Variants in SNX13 observed in about 807,000 individuals in gnomAD.
SNX13 encodes the protein sorting nexin 13.
In SNX13, 45 loss-of-function variants were observed where a neutral mutation model predicts 133.6. The observed-to-expected ratio is 0.34, with a 90% CI of 0.27 to 0.43. SNX13 has a LOEUF of 0.43. SNX13 is among the 20% of genes least tolerant of loss of function. The pLI is 1.00. For missense variants in SNX13, 1,032 were observed against 1,145.1 expected (o/e 0.90, Z 1.43); for synonymous variants, 414 against 373.9 (o/e 1.11, Z -1.24).
rs138765848 is a variant in SNX13, at chr7:17,866,772, A to G, written c.837+1635T>C. Among the ~76,000 whole-genome samples, 461 of 152,348 alleles carry G rather than the reference A, an allele frequency of 3.0e-3. 2 individuals carry two copies. Among genetic ancestry groups the G allele is most frequent in the African/African-American group, 0.011 (437 of 41,580 alleles). The stretch of plus-strand genomic sequence containing the variant: ...GTATAAAACACAGTCAGACAGAAAG[A>G]GTAAGATCTACCATTCAGTAGCACA... On this transcript the variant is annotated intron_variant, in intron 9 of 25. Transcript: ENST00000428135.
At chr7:17,871,660 T>A (rs1562816031) in intron 8 of SNX13, among the ~76,000 whole-genome samples, 2 of 152,214 alleles carry the variant, frequency 1.3e-5, no homozygotes, top group South Asian at 4.1e-4. Context: ...TGATGTTTCC[T>A]TTTAGTAATT....
chr7:17,826,644 A>G (rs1167474797), intron 16 of SNX13, among the ~76,000 whole-genome samples: 1 of 152,094 alleles, frequency 6.6e-6, no homozygotes, highest in Non-Finnish European at 1.5e-5. Flanking sequence ...TATTATTCTG[A>G]TTATTTATTA....
Position 17,834,148 on chromosome 7 carries a change from G to A in SNX13, c.1501C>T (p.Pro501Ser). The A allele has an allele frequency of 6.3e-7, 1 of 1,593,514 alleles. No individual in the cohort carries two copies. Among genetic ancestry groups the A allele is most frequent in the Non-Finnish European group, 8.6e-7 (1 of 1,167,230 alleles). ...ELMLRDERFY[P>S]SFRQNALYVR... ...TAAAGTGCATTCTGTCTGAAGGAAG[G>A]ATAAAATCTTTCATCTCGTAGCATC... The change falls in exon 15 of 26, where the codon CCT (proline) becomes TCT (serine). Residue 501 changes from proline (P) to serine (S), a missense_variant. Pro to Ser is a moderately conservative substitution (Grantham distance 74). Coordinates refer to ENST00000428135, the MANE Select transcript of SNX13 (RefSeq NM_015132.5).
intron 1 of SNX13, among the ~76,000 whole-genome samples, chr7:17,913,103 C>G (rs538573757): frequency 1.3e-3 from 205 of 152,300 alleles, no homozygotes; most frequent in African/African-American, 4.8e-3. Context: ...GAGGCAGACT[C>G]CACTCCCATG....
chr7:17,803,123 T>C (rs1024976506), intron 21 of SNX13, among the ~76,000 whole-genome samples: 1 of 152,152 alleles, frequency 6.6e-6, no homozygotes, highest in Non-Finnish European at 1.5e-5. Context: ...ATGATAAAAA[T>C]GGCATAATGA....
chr7:17,911,537 G>A (rs1798977156), intron 1 of SNX13, among the ~76,000 whole-genome samples: 1 of 151,754 alleles, frequency 6.6e-6, no homozygotes, highest in Non-Finnish European at 1.5e-5. Flanking sequence ...TGCTCTGGAG[G>A]CTAAGGCAGG....
chr7:17,884,881 G>C (rs1451678510), intron 5 of SNX13, among the ~76,000 whole-genome samples: 1 of 152,138 alleles, frequency 6.6e-6, no homozygotes, highest in African/African-American at 2.4e-5. Context: ...TTAAGTGTTG[G>C]TCAAAGAGGA....
chr7:17,802,570 C>A (rs1331759742), intron 21 of SNX13, among the ~76,000 whole-genome samples: 1 of 151,904 alleles, frequency 6.6e-6, no homozygotes. Flanking sequence ...AGCAGAAGTG[C>A]GACTGAACAA....
At chr7:17,834,997 C>T in intron 13 of SNX13, 132 bp from the exon 14 acceptor site, 1 of 555,742 alleles carries the variant, frequency 1.8e-6, no homozygotes, top group Non-Finnish European at 3.2e-6. Context: ...GTAAACGACA[C>T]CTTGATGTTT....
intron 1 of SNX13, among the ~76,000 whole-genome samples, chr7:17,911,862 A>T (rs535295281): frequency 2.1e-4 from 32 of 152,282 alleles, no homozygotes; most frequent in Admixed American, 1.6e-3. Flanking sequence ...AATCTACACA[A>T]AAAGCCTAGA....
At chr7:17,835,539 T>C (rs1302829891) in intron 13 of SNX13, among the ~76,000 whole-genome samples, 3 of 151,964 alleles carry the variant, frequency 2.0e-5, no homozygotes, top group Non-Finnish European at 4.4e-5. Context: ...AATTACTTTA[T>C]TAAAAGAAAA....
intron 12 of SNX13, among the ~76,000 whole-genome samples, chr7:17,843,681 T>A (rs1437227606): frequency 6.6e-6 from 1 of 152,092 alleles, no homozygotes; most frequent in African/African-American, 2.4e-5. Flanking sequence ...AAATTGAGTC[T>A]CATAAAGTTT....
chr7:17,884,708 T>A (rs1361284570), intron 5 of SNX13, among the ~76,000 whole-genome samples: 1 of 152,196 alleles, frequency 6.6e-6, no homozygotes, highest in Non-Finnish European at 1.5e-5. Flanking sequence ...AAACCATCTA[T>A]CTGTAGAACA....
intron 1 of SNX13, among the ~76,000 whole-genome samples, chr7:17,912,552 A>C (rs1196485310): frequency 6.6e-6 from 1 of 151,816 alleles, no homozygotes; most frequent in Admixed American, 6.6e-5. Context: ...CTGGGATTAC[A>C]GGCGCCCACC....
chr7:17,907,699 C>T (rs1011850999), intron 1 of SNX13, among the ~76,000 whole-genome samples: 23 of 152,016 alleles, frequency 1.5e-4, no homozygotes, highest in Non-Finnish European at 2.9e-5. Flanking sequence ...ATGCTGAGTC[C>T]AAGACATGAT....
At chr7:17,808,490 G>A (rs1232435532) in intron 20 of SNX13, among the ~76,000 whole-genome samples, 3 of 152,182 alleles carry the variant, frequency 2.0e-5, no homozygotes, top group Admixed American at 2.0e-4. Context: ...TGCTGTACCT[G>A]AAAGTGACGG....
At chr7:17,901,669 C>T (rs2128004341) in intron 1 of SNX13, among the ~76,000 whole-genome samples, 1 of 152,326 alleles carries the variant, frequency 6.6e-6, no homozygotes, top group Middle Eastern at 3.4e-3. Context: ...CACCACTCAG[C>T]TTCTGCCAGG....
rs891196985 is a variant in SNX13 at position 17,791,707 on chromosome 7, G to A, written c.*2338C>T. On this transcript the variant is annotated 3_prime_UTR_variant, in exon 26 of 26. Coordinates refer to ENST00000428135, the MANE Select transcript of SNX13 (RefSeq NM_015132.5). Reference sequence around the variant, plus strand: ...GTATATATTCATATATGCAATAAATGCATTAAATGTAACTTTATTAAACAT... The same window carrying A: ...GTATATATTCATATATGCAATAAATACATTAAATGTAACTTTATTAAACAT... The A allele has an allele frequency of 6.6e-6, 1 of 151,982 alleles. No individual in the cohort carries two copies. Among genetic ancestry groups the A allele is most frequent in the Non-Finnish European group, 1.5e-5 (1 of 67,934 alleles). The allele number at this position is 151,982 out of a possible 1,614,324, so 9.4% of individuals were successfully genotyped here.
chr7:17,815,532 C>A (rs1194137256), intron 19 of SNX13, among the ~76,000 whole-genome samples: 1 of 152,156 alleles, frequency 6.6e-6, no homozygotes, highest in Non-Finnish European at 1.5e-5. Context: ...TTACAGTGAG[C>A]TATGATTGCA....
Sources: gnomAD v4.1 joint callset for allele counts (sites outside exome capture counted in the v4.1 genomes callset) on GRCh38, gnomAD v4.1.1 for gene constraint, MANE v1.5 for transcripts, NCBI Gene and HGNC (gene_info 2026-07-23, HGNC 2026-07-21) for gene names.